Variants in NCAM2 observed in about 807,000 individuals in gnomAD.
NCAM2 encodes the protein neural cell adhesion molecule 2.
A neutral mutation model predicts 98.1 loss-of-function variants in NCAM2; 30 were observed. That is an observed-to-expected ratio of 0.31 (90% CI 0.23 to 0.41). NCAM2 has a LOEUF of 0.41. NCAM2 is among the 10% of genes least tolerant of loss of function. The probability of loss-of-function intolerance (pLI) is 1.00; values close to 1 mark genes in which losing one functional copy is unlikely to be tolerated. For missense variants in NCAM2, 867 were observed against 1,005.8 expected, an observed-to-expected ratio of 0.86 and a Z score of 1.87; for synonymous variants, 368 against 342.4, an observed-to-expected ratio of 1.07 and a Z score of -0.83.
intron 1 of NCAM2, among the ~76,000 whole-genome samples, chr21:21,058,923 G>A (rs2065267148): frequency 6.6e-6 from 1 of 151,854 alleles, no homozygotes; most frequent in Non-Finnish European, 1.5e-5. Context: ...TTTTTTCGAA[G>A]GACTATCCAC....
intron 1 of NCAM2, among the ~76,000 whole-genome samples, chr21:21,039,373 T>G (rs954001540): frequency 6.6e-6 from 1 of 152,188 alleles, no homozygotes; most frequent in Non-Finnish European, 1.5e-5. Flanking sequence ...GTTCTAATGT[T>G]CAGTAGTAGA....
chr21:21,120,962 C>T (rs762876457), intron 1 of NCAM2, among the ~76,000 whole-genome samples: 11 of 152,022 alleles, frequency 7.2e-5, no homozygotes, highest in East Asian at 1.9e-4. Context: ...ATGATCCACC[C>T]GCCTCAGCCT....
intron 1 of NCAM2, among the ~76,000 whole-genome samples, chr21:21,228,401 T>G (rs1407111366): frequency 6.6e-6 from 1 of 151,476 alleles, no homozygotes; most frequent in Non-Finnish European, 1.5e-5. Flanking sequence ...ATAATTTGTG[T>G]TGTTTGTTAT....
intron 1 of NCAM2, among the ~76,000 whole-genome samples, chr21:21,188,997 T>A (rs1349352077): frequency 6.6e-6 from 1 of 152,154 alleles, no homozygotes; most frequent in African/African-American, 2.4e-5. Flanking sequence ...CAGAAACTTA[T>A]GAGAACCCTC....
intron 1 of NCAM2, among the ~76,000 whole-genome samples, chr21:21,175,891 C>T (rs1438860447): frequency 6.6e-6 from 1 of 152,174 alleles, no homozygotes; most frequent in Non-Finnish European, 1.5e-5. Flanking sequence ...ATCCCCAAAA[C>T]AACCAATTTT....
intron 1 of NCAM2, among the ~76,000 whole-genome samples, chr21:21,080,036 T>G (rs1308179296): frequency 6.6e-6 from 1 of 152,180 alleles, no homozygotes; most frequent in African/African-American, 2.4e-5. Context: ...GAACTTAAAA[T>G]TTTGTTAAGA....
At chr21:21,241,797 A>AT (rs2071078044) in intron 1 of NCAM2, among the ~76,000 whole-genome samples, 1 of 152,116 alleles carries the variant, frequency 6.6e-6, no homozygotes, top group Non-Finnish European at 1.5e-5. Flanking sequence ...CATAGAGAAC[A>AT]TTTTGGTTTT....
chr21:21,488,251 T>C (rs1986558858), intron 15 of NCAM2, among the ~76,000 whole-genome samples: 1 of 144,512 alleles, frequency 6.9e-6, no homozygotes, highest in Non-Finnish European at 1.5e-5. Context: ...CACAATAATA[T>C]GCAATTTGTG....
At chr21:21,081,669 TGC>T (rs2065802463) in intron 1 of NCAM2, among the ~76,000 whole-genome samples, 1 of 151,368 alleles carries the variant, frequency 6.6e-6, no homozygotes, top group Non-Finnish European at 1.5e-5. Context: ...GGCGTGGCGG[TGC>T]GTGCCTGTAA....
rs560926991 is a variant in NCAM2 at position 21,150,581 on chromosome 21, A to G, written c.56-129997A>G. ...ATTTTGTCAGATTTTGGAGGCATCTATCTTTATGATCATATGGTTTTTATC... is the reference window on the plus strand; with the variant it reads ...ATTTTGTCAGATTTTGGAGGCATCTGTCTTTATGATCATATGGTTTTTATC... On this transcript the variant is annotated intron_variant, in intron 1 of 17. Transcript: ENST00000400546. 3.9e-5 allele frequency among the ~76,000 whole-genome samples: 6 copies of G among 152,194 alleles called. No homozygotes were observed. The South Asian group carries it at 1.0e-3, about 26-fold the overall frequency.
intron 16 of NCAM2, among the ~76,000 whole-genome samples, chr21:21,517,883 G>T (rs966867077): frequency 2.6e-5 from 4 of 152,056 alleles, no homozygotes; most frequent in African/African-American, 9.7e-5. Flanking sequence ...TTATCACCTT[G>T]TAAGAGAGTA....
chr21:21,266,835 C>T (rs897751008), intron 1 of NCAM2, among the ~76,000 whole-genome samples: 1 of 151,994 alleles, frequency 6.6e-6, no homozygotes, highest in East Asian at 1.9e-4. Context: ...CAAACCTGCA[C>T]GTTGTGCACA....
At chr21:21,221,076 G>A (rs62209183) in intron 1 of NCAM2, among the ~76,000 whole-genome samples, 3,704 of 152,170 alleles carry the variant, frequency 0.024, 65 homozygotes, top group Admixed American at 0.045. Flanking sequence ...ACGGTGATCT[G>A]TGATCAGTGA....
rs201933485 is a variant in NCAM2 at position 21,016,681 on chromosome 21, CA to C, written c.55+18072del. Among the ~76,000 whole-genome samples, 11 of 149,546 alleles carry C rather than the reference CA, an allele frequency of 7.4e-5. 1 individual carries two copies. The highest frequency in any genetic ancestry group is 6.0e-4 in the Admixed American group (9 of 14,984). On this transcript the variant is annotated intron_variant, in intron 1 of 17. Transcript: ENST00000400546. Reference sequence around the variant, plus strand: ...AACAGGCTATGTTCTGGGCACTTTCCAAAAAAAAAGCTGTTATGCTTGAGCT... The same window carrying C: ...AACAGGCTATGTTCTGGGCACTTTCCAAAAAAAAGCTGTTATGCTTGAGCT...
intron 8 of NCAM2, among the ~76,000 whole-genome samples, chr21:21,345,442 C>A (rs113912201): frequency 6.6e-6 from 1 of 151,882 alleles, no homozygotes; most frequent in Non-Finnish European, 1.5e-5. Flanking sequence ...ATAATTACAA[C>A]GAATCAAGTA....
intron 1 of NCAM2, among the ~76,000 whole-genome samples, chr21:21,174,231 C>T (rs546672707): frequency 1.3e-5 from 2 of 152,112 alleles, no homozygotes; most frequent in African/African-American, 4.8e-5. Flanking sequence ...CCAACAAAAC[C>T]TTTCTTTAAA....
intron 1 of NCAM2, among the ~76,000 whole-genome samples, chr21:21,090,722 C>T (rs2065995301): frequency 1.3e-5 from 2 of 152,150 alleles, no homozygotes; most frequent in African/African-American, 4.8e-5. Context: ...GAGCACCTCA[C>T]TTAGTTGTTC....
At chr21:21,018,408 A>G (rs545888707) in intron 1 of NCAM2, among the ~76,000 whole-genome samples, 19 of 152,336 alleles carry the variant, frequency 1.2e-4, no homozygotes, top group Admixed American at 1.2e-3. Context: ...GTTTGTAATT[A>G]AAGAGATGAA....
intron 1 of NCAM2, among the ~76,000 whole-genome samples, chr21:21,104,310 T>G (rs763242139): frequency 6.6e-6 from 1 of 152,154 alleles, no homozygotes; most frequent in African/African-American, 2.4e-5. Context: ...ATTGTATATA[T>G]CTGCATGTCA....
Sources: gnomAD v4.1 joint callset for allele counts (sites outside exome capture counted in the v4.1 genomes callset) on GRCh38, gnomAD v4.1.1 for gene constraint, MANE v1.5 for transcripts, NCBI Gene and HGNC (gene_info 2026-07-23, HGNC 2026-07-21) for gene names.